STK3: variants seen among roughly 807,000 people sequenced by gnomAD.
STK3 encodes serine/threonine-protein kinase 3.
In STK3, 41 loss-of-function variants were observed where a neutral mutation model predicts 58.0. That is an observed-to-expected ratio of 0.71 (90% confidence interval 0.55 to 0.92). The LOEUF (loss-of-function observed/expected upper bound fraction) is 0.92. STK3 is among the 40% of genes least tolerant of loss of function. The pLI is 0.00. For synonymous variants in STK3, 170 were observed against 191.0 expected, an observed-to-expected ratio of 0.89 and a Z score of 0.91; for missense variants, 479 against 602.7, an observed-to-expected ratio of 0.79 and a Z score of 2.15.
intron 10 of STK3, among the ~76,000 whole-genome samples, chr8:98,517,300 TA>T (rs1209758267): frequency 6.6e-6 from 1 of 151,984 alleles, no homozygotes; most frequent in East Asian, 1.9e-4. Context: ...TCTGGATTTT[TA>T]AAAAAAGTCT....
At chr8:98,467,299 T>A (rs973189765) in intron 10 of STK3, among the ~76,000 whole-genome samples, 1 of 152,102 alleles carries the variant, frequency 6.6e-6, no homozygotes, top group East Asian at 1.9e-4. Flanking sequence ...AACAGCTACA[T>A]CTCTAGTGCC....
At chr8:98,532,537 T>C (rs6651181) in intron 9 of STK3, among the ~76,000 whole-genome samples, 60,724 of 151,886 alleles carry the variant, frequency 0.4, 12,371 homozygotes, top group East Asian at 0.53. Context: ...GACACAGAAA[T>C]ACAAAGTGAG....
intron 1 of STK3, among the ~76,000 whole-genome samples, chr8:98,382,030 G>T (rs930747601): frequency 6.6e-6 from 1 of 152,128 alleles, no homozygotes. Flanking sequence ...CCAAGAGATT[G>T]TTTTATTTAC....
At chr8:98,888,599 G>A (rs1466390891) in intron 1 of STK3, among the ~76,000 whole-genome samples, 2 of 152,202 alleles carry the variant, frequency 1.3e-5, no homozygotes, top group Non-Finnish European at 2.9e-5. Flanking sequence ...GGTTGCTCTG[G>A]TAGCAACTGC....
intron 10 of STK3, among the ~76,000 whole-genome samples, chr8:98,461,766 T>A (rs1819996571): frequency 6.6e-6 from 1 of 152,196 alleles, no homozygotes; most frequent in Non-Finnish European, 1.5e-5. Flanking sequence ...GATACAAAAT[T>A]CTTAGTTAAC....
At chr8:98,397,439 G>A (rs28756269), downstream of STK3, among the ~76,000 whole-genome samples, 33,841 of 152,034 alleles carry the variant, frequency 0.22, 4,523 homozygotes, top group African/African-American at 0.37. Flanking sequence ...GAAAGGCTGA[G>A]GTGGGAGGAT....
chr8:98,630,515 C>T (rs765135061), intron 6 of STK3, among the ~76,000 whole-genome samples: 45 of 152,130 alleles, frequency 3.0e-4, no homozygotes, highest in Non-Finnish European at 4.7e-4. Flanking sequence ...TGGTGGCACA[C>T]GCCTGAAGTT....
At chr8:98,776,100 T>A (rs1009198879) in intron 1 of STK3, among the ~76,000 whole-genome samples, 2 of 152,228 alleles carry the variant, frequency 1.3e-5, no homozygotes, top group Non-Finnish European at 2.9e-5. Flanking sequence ...ATAATGCTGA[T>A]GAAACATCAC....
intron 1 of STK3, among the ~76,000 whole-genome samples, chr8:98,903,921 A>G (rs947352557): frequency 2.0e-5 from 3 of 152,190 alleles, no homozygotes; most frequent in African/African-American, 7.2e-5. Context: ...TAGGACAGTG[A>G]TTATACTTTT....
downstream of STK3, among the ~76,000 whole-genome samples, chr8:98,396,604 C>G (rs1443898541): frequency 6.6e-6 from 1 of 152,202 alleles, no homozygotes; most frequent in Non-Finnish European, 1.5e-5. Context: ...GGCCAGTGAT[C>G]TTTTCTGCAT....
At chr8:98,845,730 A>G (rs1020601964) in intron 3 of STK3, among the ~76,000 whole-genome samples, 5 of 152,204 alleles carry the variant, frequency 3.3e-5, no homozygotes, top group Admixed American at 1.3e-4. Flanking sequence ...TCAGCATTCA[A>G]TTGTGGGCAA....
At chr8:98,351,126 G>T in the STK3 span, among the ~76,000 whole-genome samples, 1 of 152,134 alleles carries the variant, frequency 6.6e-6, no homozygotes, top group Non-Finnish European at 1.5e-5. Flanking sequence ...AACATAAAGG[G>T]TACAGACATA....
intron 7 of STK3, among the ~76,000 whole-genome samples, chr8:98,584,534 T>G (rs1814296301): frequency 6.6e-6 from 1 of 151,864 alleles, no homozygotes; most frequent in Non-Finnish European, 1.5e-5. Context: ...GTCTTTGCTA[T>G]TGTGAATAAT....
chr8:98,791,324 CACAA>C (rs1357533060), intron 1 of STK3, among the ~76,000 whole-genome samples: 1 of 152,146 alleles, frequency 6.6e-6, no homozygotes, highest in Non-Finnish European at 1.5e-5. Context: ...TCATAGATGA[CACAA>C]ACAAATGGAA....
rs73279725 is a variant in STK3, at chr8:98,919,121, A to T, written c.-79+23257T>A. On this transcript the variant is annotated intron_variant, in intron 1 of 1. Coordinates refer to the STK3 transcript ENST00000519420. ...GTTTATGAACCCTATATTCTGCCAT[A>T]CATACTGTACCATATCCAACAGGCC... 2.3e-3 allele frequency among the ~76,000 whole-genome samples: 352 copies of T among 152,306 alleles called. No individual in the cohort carries two copies. In the Middle Eastern group the frequency reaches 0.027, roughly 12 times the overall value.
At chr8:98,695,443 A>T (rs966710691) in intron 6 of STK3, among the ~76,000 whole-genome samples, 17 of 152,124 alleles carry the variant, frequency 1.1e-4, no homozygotes, top group Non-Finnish European at 2.1e-4. Flanking sequence ...CTGAATGGTA[A>T]TGCCTAGGTT....
intron 6 of STK3, among the ~76,000 whole-genome samples, chr8:98,631,539 T>C (rs905074392): frequency 6.6e-5 from 10 of 152,228 alleles, no homozygotes; most frequent in Admixed American, 6.5e-4. Context: ...AGTCACCTTA[T>C]TAGACAGGCC....
intron 3 of STK3, among the ~76,000 whole-genome samples, chr8:98,421,819 C>T (rs1818177825): frequency 6.6e-6 from 1 of 152,120 alleles, no homozygotes; most frequent in Admixed American, 6.5e-5. Flanking sequence ...CCAGTCTTGT[C>T]TCAGGATGTC....
intron 6 of STK3, chr8:98,597,244 C>T (rs1815906598): frequency 2.0e-6 from 2 of 982,312 alleles, no homozygotes; most frequent in African/African-American, 3.5e-5. Context: ...TCATTGGTTT[C>T]TTACTTGGAA....
Sources: allele counts gnomAD v4.1 joint callset (sites outside exome capture counted in the v4.1 genomes callset), GRCh38; gene constraint gnomAD v4.1.1; transcripts MANE v1.5; gene names NCBI Gene and HGNC (gene_info 2026-07-23, HGNC 2026-07-21).